SEPTIN7: variants seen among roughly 807,000 people sequenced by gnomAD.
SEPTIN7 encodes the protein septin-7.
Under a neutral mutation model 63.3 loss-of-function variants are expected in SEPTIN7, and 10 were observed. That is an observed-to-expected ratio of 0.16 (90% CI 0.10 to 0.27). The LOEUF is 0.27. Among genes scored for constraint, SEPTIN7 ranks in the 10% least tolerant of loss-of-function variants. The pLI is 1.00. For missense variants in SEPTIN7, 310 were observed against 521.0 expected, an observed-to-expected ratio of 0.59 and a Z score of 3.94; for synonymous variants, 131 against 165.3, an observed-to-expected ratio of 0.79 and a Z score of 1.59.
intron 5 of SEPTIN7, among the ~76,000 whole-genome samples, chr7:35,873,368 G>A (rs1392154486): frequency 1.3e-5 from 2 of 151,910 alleles, no homozygotes; most frequent in Non-Finnish European, 2.9e-5. Flanking sequence ...ATATTATGAA[G>A]TGTGTTATTA....
chr7:35,901,107 C>G (rs1788294963), intron 12 of SEPTIN7: 1 of 152,168 alleles, frequency 6.6e-6, no homozygotes. Flanking sequence ...GCTGGAAATA[C>G]TTGTTTGGGG....
At chr7:35,901,709 C>G (rs1788332450) in intron 12 of SEPTIN7, 3 of 152,234 alleles carry the variant, frequency 2.0e-5, no homozygotes, top group Non-Finnish European at 4.4e-5. Context: ...GTTATCAACT[C>G]ATTTGAAGAT....
At chr7:35,897,947 T>C (rs1396405759) in intron 11 of SEPTIN7, among the ~76,000 whole-genome samples, 1 of 151,802 alleles carries the variant, frequency 6.6e-6, no homozygotes, top group African/African-American at 2.4e-5. Flanking sequence ...TAAATTATTT[T>C]CTTCTAATGT....
At chr7:35,832,475 T>G (rs984811031) in intron 2 of SEPTIN7, among the ~76,000 whole-genome samples, 7 of 152,056 alleles carry the variant, frequency 4.6e-5, no homozygotes, top group African/African-American at 1.7e-4. Context: ...AATCCTTTGT[T>G]ATTTTGCTTT....
chr7:35,883,056 A>G (rs1786998936), intron 8 of SEPTIN7, among the ~76,000 whole-genome samples: 1 of 152,096 alleles, frequency 6.6e-6, no homozygotes, highest in Admixed American at 6.6e-5. Context: ...AGGATTATGA[A>G]TGTTCCCAAT....
intron 3 of SEPTIN7, chr7:35,838,786 A>G (rs1784262576): frequency 6.6e-6 from 1 of 152,152 alleles, no homozygotes; most frequent in Non-Finnish European, 1.5e-5. Context: ...ATTAAAGACT[A>G]ATTTTTTATT....
intron 4 of SEPTIN7, among the ~76,000 whole-genome samples, chr7:35,866,595 C>T (rs1785817704): frequency 1.3e-5 from 2 of 152,104 alleles, no homozygotes; most frequent in South Asian, 4.1e-4. Flanking sequence ...AGACTTGTAT[C>T]TTAAAGGAGA....
chr7:35,873,418 G>A (rs1786278382), intron 5 of SEPTIN7, among the ~76,000 whole-genome samples: 1 of 151,974 alleles, frequency 6.6e-6, no homozygotes, highest in South Asian at 2.1e-4. Context: ...ATATTTAGCT[G>A]TGTTTCGACA....
At chr7:35,878,285 A>C (rs1786603169) in intron 6 of SEPTIN7, among the ~76,000 whole-genome samples, 1 of 151,832 alleles carries the variant, frequency 6.6e-6, no homozygotes, top group Non-Finnish European at 1.5e-5. Flanking sequence ...GAGAAGGAGG[A>C]TGAGAATGGA....
At chr7:35,848,843 G>A (rs1482242125) in intron 3 of SEPTIN7, among the ~76,000 whole-genome samples, 1 of 152,146 alleles carries the variant, frequency 6.6e-6, no homozygotes, top group Admixed American at 6.5e-5. Context: ...CTTGAACTGG[G>A]TTGTATAAAG....
the SEPTIN7 span, among the ~76,000 whole-genome samples, chr7:35,914,988 G>A: frequency 2.6e-5 from 4 of 151,706 alleles, no homozygotes; most frequent in African/African-American, 9.7e-5. Flanking sequence ...ATATGCATGC[G>A]TGTGTACACA....
chr7:35,893,033 A>G (rs1435019462), intron 11 of SEPTIN7, among the ~76,000 whole-genome samples: 3 of 152,156 alleles, frequency 2.0e-5, no homozygotes, highest in Non-Finnish European at 2.9e-5. Context: ...AATGTTAGCA[A>G]TTTCAAAAAA....
chr7:35,893,659 C>T (rs916227289), intron 11 of SEPTIN7, among the ~76,000 whole-genome samples: 1 of 152,108 alleles, frequency 6.6e-6, no homozygotes, highest in Admixed American at 6.5e-5. Context: ...ATTTAATTTT[C>T]TGAGGTAGTT....
At chr7:35,896,687 G>C (rs1718163117) in intron 11 of SEPTIN7, among the ~76,000 whole-genome samples, 1 of 152,164 alleles carries the variant, frequency 6.6e-6, no homozygotes, top group Non-Finnish European at 1.5e-5. Context: ...TAAAATGCAG[G>C]TTCTTGTTCT....
chr7:35,859,217 T>C lies in SEPTIN7; in HGVS notation c.170-4335T>C, dbSNP rs142739840. Among the ~76,000 whole-genome samples the C allele has an allele frequency of 8.4e-3, 1,286 of 152,238 alleles. 16 individuals carry two copies. The highest frequency in any genetic ancestry group is 0.03 in the African/African-American group (1,254 of 41,538). On this transcript the variant is annotated intron_variant, in intron 3 of 13. Transcript: ENST00000350320. ...ATGTTGGGTTTTTATTTTTATTTTG[T>C]CTCAGGGTGTATTCTAATTTCCCTT...
At chr7:35,801,935 G>GA (rs1468466820) in intron 1 of SEPTIN7, among the ~76,000 whole-genome samples, 2 of 152,214 alleles carry the variant, frequency 1.3e-5, no homozygotes, top group African/African-American at 4.8e-5. Context: ...GCGCAGCCCG[G>GA]AAGGCCGGTG....
At chr7:35,858,437 C>A (rs1331588244) in intron 3 of SEPTIN7, among the ~76,000 whole-genome samples, 2 of 152,018 alleles carry the variant, frequency 1.3e-5, no homozygotes, top group Non-Finnish European at 2.9e-5. Context: ...CTCACTGCAA[C>A]CTCCGCCTCC....
At chr7:35,828,058 C>T (rs186504971) in intron 1 of SEPTIN7, among the ~76,000 whole-genome samples, 3 of 152,176 alleles carry the variant, frequency 2.0e-5, no homozygotes, top group Admixed American at 1.3e-4. Flanking sequence ...GGAAATCAGT[C>T]ATATGGGGGA....
At chr7:35,913,651 A>G in the SEPTIN7 span, among the ~76,000 whole-genome samples, 1 of 150,384 alleles carries the variant, frequency 6.6e-6, no homozygotes, top group African/African-American at 2.5e-5. Flanking sequence ...AGTGCAGTGC[A>G]CTGAACATTG....
Sources: allele counts gnomAD v4.1 joint callset (sites outside exome capture counted in the v4.1 genomes callset), GRCh38; gene constraint gnomAD v4.1.1; transcripts MANE v1.5; gene names NCBI Gene and HGNC (gene_info 2026-07-23, HGNC 2026-07-21).